CERS6: variants seen among roughly 807,000 people sequenced by gnomAD.
CERS6 encodes the protein ceramide synthase 6.
A neutral mutation model predicts 56.8 loss-of-function variants in CERS6; 26 were observed. The observed-to-expected ratio is 0.46, with a 90% CI of 0.34 to 0.63. The LOEUF (loss-of-function observed/expected upper bound fraction) is 0.63, where lower values mean the gene tolerates loss of function less well. Among genes scored for constraint, CERS6 ranks in the 30% least tolerant of loss-of-function variants. The pLI is 0.01. For synonymous variants in CERS6, 164 were observed against 173.3 expected, an observed-to-expected ratio of 0.95 and a Z score of 0.42; for missense variants, 415 against 467.5, an observed-to-expected ratio of 0.89 and a Z score of 1.04.
intron 8 of CERS6, among the ~76,000 whole-genome samples, chr2:168,726,823 C>G (rs185241223): frequency 4.6e-5 from 7 of 152,254 alleles, no homozygotes; most frequent in African/African-American, 1.7e-4. Flanking sequence ...ATTTTATAAC[C>G]TCCTACTAGT....
At chr2:168,569,060 T>G (rs1695935077) in intron 3 of CERS6, among the ~76,000 whole-genome samples, 1 of 152,232 alleles carries the variant, frequency 6.6e-6, no homozygotes, top group East Asian at 1.9e-4. Context: ...TAGCTCAGAC[T>G]GTCATAACAA....
intron 3 of CERS6, among the ~76,000 whole-genome samples, chr2:168,585,567 T>G (rs969336798): frequency 3.3e-5 from 5 of 152,226 alleles, no homozygotes; most frequent in Non-Finnish European, 7.4e-5. Flanking sequence ...GGAAGGCAGG[T>G]CATATAGGGA....
At chr2:168,594,441 C>T (rs1016160730) in intron 3 of CERS6, among the ~76,000 whole-genome samples, 1 of 151,996 alleles carries the variant, frequency 6.6e-6, no homozygotes, top group Non-Finnish European at 1.5e-5. Context: ...ATAAATTAGC[C>T]GGGCATGGTG....
In CERS6 at chr2:168,693,501, G is replaced by A. The variant is rs565995581; in HGVS notation, c.517-1458G>A. 1.7e-4 allele frequency among the ~76,000 whole-genome samples: 26 copies of A among 152,140 alleles called. No individual in the cohort carries two copies. In the East Asian group the frequency reaches 2.5e-3, roughly 15 times the overall value. On this transcript the variant is annotated intron_variant, in intron 5 of 9. Transcript: ENST00000305747. Reference sequence around the variant, plus strand: ...ATTTACCCTTGGCTCAAAGGGTCCTGAGCCAGGGCCCGATTTTCTAAACTT... The same window carrying A: ...ATTTACCCTTGGCTCAAAGGGTCCTAAGCCAGGGCCCGATTTTCTAAACTT...
intron 1 of CERS6, among the ~76,000 whole-genome samples, chr2:168,480,930 T>C (rs189422346): frequency 3.3e-4 from 51 of 152,312 alleles, no homozygotes; most frequent in African/African-American, 9.6e-4. Flanking sequence ...GAGTCCATGT[T>C]AGAAAGATAG....
In CERS6 at chr2:168,530,581, A is replaced by G. The variant is rs183481870; in HGVS notation, c.171-17015A>G. Among the ~76,000 whole-genome samples the G allele has an allele frequency of 5.0e-3, 763 of 152,332 alleles. 4 individuals carry two copies. Among genetic ancestry groups the G allele is most frequent in the African/African-American group, 0.018 (734 of 41,564 alleles). ...ATGTTTCATTGTTTAAGATGAAGAC[A>G]TAATTTGTTTGAATTTTATGAGCTT... On this transcript the variant is annotated intron_variant, in intron 1 of 9. Coordinates refer to ENST00000305747, the MANE Select transcript of CERS6 (RefSeq NM_203463.3).
chr2:168,720,010 ACTGCAGTCTCTGC>A (rs1687320784), intron 8 of CERS6, among the ~76,000 whole-genome samples: 1 of 151,036 alleles, frequency 6.6e-6, no homozygotes, highest in Non-Finnish European at 1.5e-5. Flanking sequence ...ATCTTGGATC[ACTGCAGTCTCTGC>A]CTCCCAGGTT....
intron 1 of CERS6, among the ~76,000 whole-genome samples, chr2:168,498,672 A>G (rs1296866556): frequency 1.3e-5 from 2 of 152,228 alleles, no homozygotes; most frequent in Non-Finnish European, 2.9e-5. Context: ...AGGACACAAT[A>G]GCCGTTTGTG....
intron 6 of CERS6, among the ~76,000 whole-genome samples, chr2:168,696,614 A>C (rs1294923659): frequency 2.0e-5 from 3 of 152,220 alleles, no homozygotes; most frequent in African/African-American, 7.2e-5. Context: ...GAGGTGCCCC[A>C]GATCAAGGCA....
chr2:168,574,754 C>T (rs1324620502), intron 3 of CERS6, among the ~76,000 whole-genome samples: 1 of 152,144 alleles, frequency 6.6e-6, no homozygotes, highest in African/African-American at 2.4e-5. Flanking sequence ...CAAATAATAC[C>T]ATTCTAAGCT....
intron 3 of CERS6, among the ~76,000 whole-genome samples, chr2:168,597,151 GA>G (rs1683820372): frequency 6.6e-6 from 1 of 152,172 alleles, no homozygotes; most frequent in Non-Finnish European, 1.5e-5. Flanking sequence ...TGAGGCTGAA[GA>G]AGAGACCTGG....
At chr2:168,607,827 T>G (rs1684089651) in intron 3 of CERS6, among the ~76,000 whole-genome samples, 1 of 152,224 alleles carries the variant, frequency 6.6e-6, no homozygotes, top group African/African-American at 2.4e-5. Flanking sequence ...AGAAGAGAAT[T>G]ACAAAATACC....
chr2:168,730,043 C>G (rs1362424287), intron 8 of CERS6, among the ~76,000 whole-genome samples: 2 of 152,192 alleles, frequency 1.3e-5, no homozygotes, highest in African/African-American at 4.8e-5. Context: ...CAGTTTGGCA[C>G]AATGACGACT....
At chr2:168,591,767 C>T (rs6757413) in intron 3 of CERS6, among the ~76,000 whole-genome samples, 2,866 of 152,190 alleles carry the variant, frequency 0.019, 128 homozygotes, top group East Asian at 0.18. Flanking sequence ...TTTTAAAGTA[C>T]GGAATTCTTG....
At chr2:168,607,646 C>G (rs1684084750) in intron 3 of CERS6, among the ~76,000 whole-genome samples, 1 of 152,192 alleles carries the variant, frequency 6.6e-6, no homozygotes, top group African/African-American at 2.4e-5. Context: ...TTCCAAAGTG[C>G]TGGGATTACA....
chr2:168,591,371 A>G (rs1683666661), intron 3 of CERS6, among the ~76,000 whole-genome samples: 1 of 152,226 alleles, frequency 6.6e-6, no homozygotes, highest in South Asian at 2.1e-4. Flanking sequence ...AGCTGCAGAA[A>G]ATGACTGACA....
intron 4 of CERS6, among the ~76,000 whole-genome samples, chr2:168,653,005 G>A (rs1685383073): frequency 6.6e-6 from 1 of 152,196 alleles, no homozygotes; most frequent in Non-Finnish European, 1.5e-5. Context: ...TACGTGTTGT[G>A]TATTCAGGTA....
intron 8 of CERS6, 124 bp from the exon 9 acceptor site, chr2:168,765,468 C>T: frequency 1.1e-6 from 1 of 909,932 alleles, no homozygotes; most frequent in Admixed American, 2.9e-5. Context: ...GCTTTCACAC[C>T]ATCCTGCCAG....
At chr2:168,713,673 A>G (rs145869872) in intron 6 of CERS6, among the ~76,000 whole-genome samples, 85 of 152,288 alleles carry the variant, frequency 5.6e-4, no homozygotes, top group African/African-American at 1.9e-3. Context: ...TCTAATGTCT[A>G]TGGACAGATA....
Sources: allele counts gnomAD v4.1 joint callset (sites outside exome capture counted in the v4.1 genomes callset), GRCh38; gene constraint gnomAD v4.1.1; transcripts MANE v1.5; gene names NCBI Gene and HGNC (gene_info 2026-07-23, HGNC 2026-07-21).